Variants in PPP2R2B observed in about 807,000 individuals in gnomAD.
PPP2R2B encodes the protein serine/threonine-protein phosphatase 2A 55 kDa regulatory subunit B beta isoform.
PPP2R2B carries 5 observed loss-of-function variants against 46.0 expected under a neutral mutation model. That is an observed-to-expected ratio of 0.11 (90% CI 0.06 to 0.23). PPP2R2B has a LOEUF of 0.23. Among genes scored for constraint, PPP2R2B ranks in the 10% least tolerant of loss-of-function variants. PPP2R2B has a pLI of 1.00. For synonymous variants in PPP2R2B, 215 were observed against 206.7 expected, an observed-to-expected ratio of 1.04 and a Z score of -0.34; for missense variants, 367 against 575.0, an observed-to-expected ratio of 0.64 and a Z score of 3.70.
intron 5 of PPP2R2B, among the ~76,000 whole-genome samples, chr5:146,667,648 G>A (rs1203058564): frequency 6.6e-6 from 1 of 152,026 alleles, no homozygotes; most frequent in Non-Finnish European, 1.5e-5. Flanking sequence ...TGGAGCATAT[G>A]AAATAGAACA....
At chr5:146,905,775 A>G (rs945002612) in intron 1 of PPP2R2B, among the ~76,000 whole-genome samples, 1 of 152,194 alleles carries the variant, frequency 6.6e-6, no homozygotes, top group Non-Finnish European at 1.5e-5. Context: ...TTCATATAAC[A>G]TTATAGAAAA....
intron 1 of PPP2R2B, among the ~76,000 whole-genome samples, chr5:146,988,048 T>C (rs1236619199): frequency 6.6e-6 from 1 of 151,942 alleles, no homozygotes; most frequent in South Asian, 2.1e-4. Context: ...TGATGAAAGA[T>C]TCAATACAGC....
At chr5:146,914,708 T>C (rs1404957586) in intron 1 of PPP2R2B, among the ~76,000 whole-genome samples, 2 of 152,186 alleles carry the variant, frequency 1.3e-5, no homozygotes, top group Non-Finnish European at 2.9e-5. Context: ...ATAAAGGTCA[T>C]ATGTTGATGA....
intron 6 of PPP2R2B, among the ~76,000 whole-genome samples, chr5:146,647,328 A>G (rs1173693580): frequency 8.4e-6 from 1 of 118,454 alleles, no homozygotes; most frequent in Non-Finnish European, 1.8e-5. Flanking sequence ...TCCTTTGTGA[A>G]TAAGGGGCAT....
chr5:146,887,564 C>T (rs976819021), intron 1 of PPP2R2B, among the ~76,000 whole-genome samples: 6 of 152,114 alleles, frequency 3.9e-5, no homozygotes, highest in African/African-American at 1.4e-4. Context: ...AACTAGTAAG[C>T]TGAATAAATA....
intron 7 of PPP2R2B, among the ~76,000 whole-genome samples, chr5:146,601,227 A>G (rs1771752184): frequency 2.0e-5 from 3 of 152,170 alleles, no homozygotes; most frequent in Admixed American, 1.3e-4. Flanking sequence ...GCTAGGAATA[A>G]CACTGCTATG....
chr5:146,900,428 T>C (rs1367453901), intron 1 of PPP2R2B, among the ~76,000 whole-genome samples: 1 of 152,112 alleles, frequency 6.6e-6, no homozygotes, highest in Non-Finnish European at 1.5e-5. Flanking sequence ...TAAAGGAACA[T>C]TATGTCATTG....
At chr5:146,800,343 G>A (rs1435949217) in intron 2 of PPP2R2B, among the ~76,000 whole-genome samples, 1 of 151,856 alleles carries the variant, frequency 6.6e-6, no homozygotes, top group Non-Finnish European at 1.5e-5. Context: ...AAGGATCCCC[G>A]GGTACTGGTA....
chr5:146,958,681 T>C (rs964191736), intron 1 of PPP2R2B, among the ~76,000 whole-genome samples: 3 of 152,194 alleles, frequency 2.0e-5, no homozygotes, highest in Admixed American at 6.5e-5. Flanking sequence ...TAATAAATAC[T>C]AGAGCCAGGA....
intron 1 of PPP2R2B, among the ~76,000 whole-genome samples, chr5:146,913,040 C>T (rs946591734): frequency 6.6e-6 from 1 of 152,140 alleles, no homozygotes; most frequent in Non-Finnish European, 1.5e-5. Context: ...CAGATACTTG[C>T]CTAATGCTTT....
intron 2 of PPP2R2B, among the ~76,000 whole-genome samples, chr5:146,746,966 A>G (rs1056619355): frequency 6.6e-6 from 1 of 152,200 alleles, no homozygotes; most frequent in Non-Finnish European, 1.5e-5. Flanking sequence ...AGGCTTTTCT[A>G]TAACATCGTG....
At chr5:146,999,291 G>A (rs1021790641) in intron 1 of PPP2R2B, among the ~76,000 whole-genome samples, 1 of 152,160 alleles carries the variant, frequency 6.6e-6, no homozygotes, top group Non-Finnish European at 1.5e-5. Context: ...ATGATACTAA[G>A]GAAGGTGGTA....
chr5:146,744,173 C>T (rs769710577), intron 2 of PPP2R2B, among the ~76,000 whole-genome samples: 18 of 152,128 alleles, frequency 1.2e-4, no homozygotes, highest in Non-Finnish European at 2.2e-4. Flanking sequence ...AAATATAGAA[C>T]ATAAGGCTGT....
At chr5:146,868,666 C>A (rs980905995) in intron 2 of PPP2R2B, among the ~76,000 whole-genome samples, 2 of 152,168 alleles carry the variant, frequency 1.3e-5, no homozygotes, top group Non-Finnish European at 2.9e-5. Flanking sequence ...TACTGCATTG[C>A]CTTTCCATTT....
intron 1 of PPP2R2B, among the ~76,000 whole-genome samples, chr5:146,959,368 C>G (rs1752067803): frequency 6.6e-6 from 1 of 152,160 alleles, no homozygotes; most frequent in Non-Finnish European, 1.5e-5. Flanking sequence ...AGAAAGCTTA[C>G]AGTCTGGTAG....
chr5:146,968,820 GAGACGTACAAC>G (rs945208345), intron 1 of PPP2R2B, among the ~76,000 whole-genome samples: 1 of 152,214 alleles, frequency 6.6e-6, no homozygotes, highest in Admixed American at 6.5e-5. Context: ...GAGTTGAGGA[GAGACGTACAAC>G]ATGAATGTAT....
At chr5:146,931,572 G>T (rs1417255984) in intron 1 of PPP2R2B, among the ~76,000 whole-genome samples, 1 of 152,090 alleles carries the variant, frequency 6.6e-6, no homozygotes, top group Non-Finnish European at 1.5e-5. Flanking sequence ...GGCTTTTGAG[G>T]CATTTCATTA....
chr5:146,989,443 C>G (rs145165255), intron 1 of PPP2R2B, among the ~76,000 whole-genome samples: 1 of 151,988 alleles, frequency 6.6e-6, no homozygotes, highest in Admixed American at 6.6e-5. Flanking sequence ...GATGGTTCAA[C>G]ATATGAAAAT....
chr5:147,016,632 T>G (rs1204185444), intron 1 of PPP2R2B, among the ~76,000 whole-genome samples: 1 of 29,974 alleles, frequency 3.3e-5, no homozygotes, highest in African/African-American at 1.8e-4. Context: ...TAGGGTGCTA[T>G]GGGAACACAA....
Sources: gnomAD v4.1 joint callset for allele counts (sites outside exome capture counted in the v4.1 genomes callset) on GRCh38, gnomAD v4.1.1 for gene constraint, MANE v1.5 for transcripts, NCBI Gene and HGNC (gene_info 2026-07-23, HGNC 2026-07-21) for gene names.